GRM1: variants seen among roughly 807,000 people sequenced by gnomAD.
GRM1 encodes the protein metabotropic glutamate receptor 1.
Under a neutral mutation model 90.9 loss-of-function variants are expected in GRM1, and 33 were observed. The observed-to-expected ratio is 0.36, with a 90% CI of 0.28 to 0.49. GRM1 has a LOEUF of 0.49. GRM1 is among the 20% of genes least tolerant of loss of function. The pLI is 0.99. For missense variants in GRM1, 1,190 were observed against 1,534.3 expected, an observed-to-expected ratio of 0.78 and a Z score of 3.75; for synonymous variants, 700 against 613.2, an observed-to-expected ratio of 1.14 and a Z score of -2.09.
chr6:146,052,458 T>C (rs924000188), intron 1 of GRM1, among the ~76,000 whole-genome samples: 1 of 151,972 alleles, frequency 6.6e-6, no homozygotes, highest in Non-Finnish European at 1.5e-5. Context: ...TCACAGCCCT[T>C]CCCATGGGGA....
At position 146,094,924 on chromosome 6, in the gene GRM1, A is replaced by G. The variant is rs187322469; in HGVS notation, c.701-64424A>G. Among the ~76,000 whole-genome samples the G allele has an allele frequency of 4.6e-5, 7 of 152,210 alleles. No homozygotes were observed. In the East Asian group the frequency reaches 9.7e-4, roughly 21 times the overall value. On this transcript the variant is annotated intron_variant, in intron 1 of 7. Coordinates refer to ENST00000282753, the MANE Select transcript of GRM1 (RefSeq NM_001278064.2). Reference sequence around the variant, plus strand: ...ACAATTCCTCCAAAGATCCAAAGGTAAAGTTTCATAGATAATCAAAATAAA... The same window carrying G: ...ACAATTCCTCCAAAGATCCAAAGGTGAAGTTTCATAGATAATCAAAATAAA...
intron 5 of GRM1, among the ~76,000 whole-genome samples, chr6:146,359,461 T>A (rs1775375593): frequency 6.6e-6 from 1 of 152,294 alleles, no homozygotes; most frequent in African/African-American, 2.4e-5. Flanking sequence ...ATTGAGTCTA[T>A]TGTGCAGACA....
chr6:146,226,161 G>C (rs999083403), intron 2 of GRM1, among the ~76,000 whole-genome samples: 1 of 152,132 alleles, frequency 6.6e-6, no homozygotes, highest in Non-Finnish European at 1.5e-5. Context: ...TGGACGAACA[G>C]GGCAAAAGGA....
rs202142123 is a variant in GRM1 at position 146,387,002 on chromosome 6, A to T, written c.1715A>T (p.Asn572Ile). The T allele has an allele frequency of 6.2e-7, 1 of 1,613,174 alleles. No individual in the cohort carries two copies. Among genetic ancestry groups the T allele is most frequent in the Non-Finnish European group, 8.5e-7 (1 of 1,179,266 alleles). Residue 572 changes from asparagine to isoleucine, a missense_variant, in exon 6 of 8, where the codon AAT becomes ATT. Asn to Ile is a moderately radical substitution (Grantham distance 149). Transcript: ENST00000282753. ...GCTTGTGACTTGGGATGGTGGCCCA[A>T]TGCAGATCTAACAGGTAGGAACTGC... ...CKACDLGWWP[N>I]ADLTGCEPIP...
rs72225459 is a variant in GRM1 at position 146,159,604 on chromosome 6, T to TTCTCTCTCTCTCTC, written c.950+32_950+45dup. The TTCTCTCTCTCTCTC allele has an allele frequency of 5.0e-6, 6 of 1,211,356 alleles. No homozygotes were observed. The highest frequency in any genetic ancestry group is 1.5e-5 in the African/African-American group (1 of 65,946). The allele number at this position is 1,211,356 out of a possible 1,614,324, so 75.0% of individuals were successfully genotyped here. The stretch of plus-strand genomic sequence containing the variant: ...AGTTCTCACTCATTGGAAGGTAAGT[T>TTCTCTCTCTCTCTC]TCTCTCTCTCTCTCTCTCTCTCTCT... On this transcript the variant is annotated splice_region_variant and intron_variant, in intron 2 of 7. Coordinates refer to ENST00000282753, the MANE Select transcript of GRM1 (RefSeq NM_001278064.2).
chr6:146,430,483 A>G (rs1475784191), intron 7 of GRM1, among the ~76,000 whole-genome samples: 1 of 152,162 alleles, frequency 6.6e-6, no homozygotes, highest in African/African-American at 2.4e-5. Context: ...GCTTTGTAAC[A>G]ATTATGTGGT....
intron 3 of GRM1, 133 bp from the exon 4 acceptor site, chr6:146,352,117 G>T: frequency 1.2e-6 from 1 of 823,320 alleles, no homozygotes; most frequent in Non-Finnish European, 2.1e-6. Context: ...GCTTGCACAG[G>T]TGGGCGTGGC....
intron 7 of GRM1, among the ~76,000 whole-genome samples, chr6:146,410,578 A>G (rs1178191884): frequency 6.6e-5 from 10 of 151,944 alleles, no homozygotes; most frequent in Non-Finnish European, 8.8e-5. Flanking sequence ...GAGGTAGGGA[A>G]TGTTTGGGAG....
chr6:146,101,125 C>T (rs1025551952), intron 1 of GRM1, among the ~76,000 whole-genome samples: 1 of 152,120 alleles, frequency 6.6e-6, no homozygotes, highest in African/African-American at 2.4e-5. Flanking sequence ...TATTTACAGT[C>T]ACAAGTTTTT....
At chr6:146,049,357 G>C (rs1177862695) in intron 1 of GRM1, among the ~76,000 whole-genome samples, 1 of 151,902 alleles carries the variant, frequency 6.6e-6, no homozygotes, top group Non-Finnish European at 1.5e-5. Flanking sequence ...AATAAGCTAA[G>C]GACCTATATA....
intron 1 of GRM1, among the ~76,000 whole-genome samples, chr6:146,083,016 C>T (rs1776416786): frequency 6.6e-6 from 1 of 152,136 alleles, no homozygotes; most frequent in Non-Finnish European, 1.5e-5. Context: ...TGGGAGTCCA[C>T]TCATGATTTG....
intron 7 of GRM1, among the ~76,000 whole-genome samples, chr6:146,429,362 T>C (rs1299617449): frequency 6.6e-6 from 1 of 152,164 alleles, no homozygotes; most frequent in Non-Finnish European, 1.5e-5. Flanking sequence ...GGCCCCCAAG[T>C]TTGAGAATAC....
intron 4 of GRM1, among the ~76,000 whole-genome samples, chr6:146,353,831 C>G (rs1005307939): frequency 2.0e-5 from 3 of 152,180 alleles, no homozygotes; most frequent in African/African-American, 4.8e-5. Flanking sequence ...GGGGTTTCAC[C>G]GTGTTGGCCA....
chr6:146,113,573 G>A (rs1046282805), intron 1 of GRM1, among the ~76,000 whole-genome samples: 1 of 152,074 alleles, frequency 6.6e-6, no homozygotes, highest in Non-Finnish European at 1.5e-5. Flanking sequence ...GCTTCATTTC[G>A]TTCCTCTTAA....
intron 4 of GRM1, among the ~76,000 whole-genome samples, chr6:146,353,855 C>T (rs1785489919): frequency 6.6e-6 from 1 of 152,222 alleles, no homozygotes; most frequent in Admixed American, 6.5e-5. Context: ...TCATCTTGAA[C>T]TTCTGACCTC....
intron 1 of GRM1, among the ~76,000 whole-genome samples, chr6:146,043,796 T>TATATATATATATATATATAGATATAG (rs1554260527): frequency 2.2e-5 from 3 of 137,940 alleles, no homozygotes; most frequent in African/African-American, 7.8e-5. Context: ...TATATATATA[T>TATATATATATATATATATAGATATAG]ATATATATAT....
chr6:146,063,583 A>C (rs571673020), intron 1 of GRM1, among the ~76,000 whole-genome samples: 4 of 152,212 alleles, frequency 2.6e-5, no homozygotes, highest in South Asian at 2.1e-4. Flanking sequence ...AATAAAAAAA[A>C]CCAGAATTTC....
At chr6:146,150,938 G>GCGCGCACA (rs1554273698) in intron 1 of GRM1, among the ~76,000 whole-genome samples, 8 of 150,708 alleles carry the variant, frequency 5.3e-5, no homozygotes, top group African/African-American at 1.5e-4. Flanking sequence ...GCGTGTGCGC[G>GCGCGCACA]CACACACACA....
At chr6:146,292,212 G>T (rs928858387) in intron 2 of GRM1, among the ~76,000 whole-genome samples, 1 of 151,798 alleles carries the variant, frequency 6.6e-6, no homozygotes, top group Non-Finnish European at 1.5e-5. Flanking sequence ...GTAACCATAG[G>T]AGTAAATCTT....
Sources: allele counts gnomAD v4.1 joint callset (sites outside exome capture counted in the v4.1 genomes callset), GRCh38; gene constraint gnomAD v4.1.1; transcripts MANE v1.5; gene names NCBI Gene and HGNC (gene_info 2026-07-23, HGNC 2026-07-21).